SYT1: variants seen among roughly 807,000 people sequenced by gnomAD.
The protein encoded by SYT1 is synaptotagmin-1.
Under a neutral mutation model 44.8 loss-of-function variants are expected in SYT1, and 8 were observed. That is an observed-to-expected ratio of 0.18 (90% CI 0.10 to 0.32). The LOEUF (loss-of-function observed/expected upper bound fraction) is 0.32. SYT1 is among the 10% of genes least tolerant of loss of function. The pLI is 1.00. For synonymous variants in SYT1, 154 were observed against 188.8 expected, an observed-to-expected ratio of 0.82 and a Z score of 1.51; for missense variants, 286 against 509.3, an observed-to-expected ratio of 0.56 and a Z score of 4.22.
intron 9 of SYT1, among the ~76,000 whole-genome samples, chr12:79,388,158 A>T (rs1051439216): frequency 1.3e-5 from 2 of 152,220 alleles, no homozygotes; most frequent in South Asian, 2.1e-4. Context: ...ACTGCATTGT[A>T]CAAACATTTA....
intron 2 of SYT1, among the ~76,000 whole-genome samples, chr12:78,984,081 A>G (rs994434733): frequency 6.6e-6 from 1 of 151,966 alleles, no homozygotes; most frequent in Non-Finnish European, 1.5e-5. Context: ...GTGTGCCTTT[A>G]TCTAGGGCAA....
At chr12:79,290,503 A>T (rs558366155) in intron 5 of SYT1, among the ~76,000 whole-genome samples, 36 of 152,260 alleles carry the variant, frequency 2.4e-4, no homozygotes, top group African/African-American at 8.7e-4. Flanking sequence ...CGGTCTGATG[A>T]CTGATGCCTA....
At chr12:78,874,881 T>C (rs1309133627) in intron 1 of SYT1, among the ~76,000 whole-genome samples, 2 of 151,624 alleles carry the variant, frequency 1.3e-5, no homozygotes, top group African/African-American at 2.4e-5. Context: ...TTAATTCTAG[T>C]TATGTCCTTG....
intron 3 of SYT1, among the ~76,000 whole-genome samples, chr12:79,072,418 ATT>A (rs1400245394): frequency 6.6e-6 from 1 of 152,136 alleles, no homozygotes; most frequent in African/African-American, 2.4e-5. Context: ...AAAGTTTGAA[ATT>A]TTTGAAAATA....
In SYT1 at chr12:79,179,031, T is replaced by TAG. The variant is rs1258755089; in HGVS notation, c.-17-38471_-17-38470insGA. On this transcript the variant is annotated intron_variant, in intron 3 of 10. Transcript: ENST00000261205. ...AGATATATAGATATAGATATAGATA[T>TAG]ATAGATATAGATATAGATATATAGA... is the stretch of plus-strand genomic sequence containing the variant. Among the ~76,000 whole-genome samples, 7 of 13,374 alleles carry TAG rather than the reference T, an allele frequency of 5.2e-4. 1 individual carries two copies. Among genetic ancestry groups the TAG allele is most frequent in the Non-Finnish European group, 9.6e-4 (7 of 7,316 alleles). 8.8% of individuals were successfully genotyped at this position (13,374 alleles called of 152,430 possible).
Position 78,951,959 on chromosome 12 carries a change from G to C in SYT1, c.-216-25840G>C, listed in dbSNP as rs371710837. 1.1e-4 allele frequency among the ~76,000 whole-genome samples: 16 copies of C among 152,218 alleles called. 1 individual carries two copies. The highest frequency in any genetic ancestry group is 5.8e-4 in the East Asian group (3 of 5,174). ...GAAGGAGACTCCACTAATTAGCTTA[G>C]TCGGCATAGCATCTGGTAACTGGTT... On this transcript the variant is annotated intron_variant, in intron 1 of 10. Coordinates refer to ENST00000261205, the MANE Select transcript of SYT1 (RefSeq NM_005639.3).
At chr12:79,203,873 G>A (rs574586411) in intron 3 of SYT1, among the ~76,000 whole-genome samples, 12 of 152,276 alleles carry the variant, frequency 7.9e-5, no homozygotes, top group African/African-American at 2.6e-4. Context: ...AACCATCTGC[G>A]TACATGGCTG....
At chr12:79,007,748 A>G (rs1237174642) in intron 2 of SYT1, among the ~76,000 whole-genome samples, 1 of 152,142 alleles carries the variant, frequency 6.6e-6, no homozygotes, top group Non-Finnish European at 1.5e-5. Context: ...GGTGAATAGT[A>G]GATTTGAGAG....
chr12:79,419,041 G>T (rs1868931903), intron 9 of SYT1, among the ~76,000 whole-genome samples: 1 of 152,120 alleles, frequency 6.6e-6, no homozygotes, highest in African/African-American at 2.4e-5. Context: ...TTCCCCTATA[G>T]GTGCCTCAGA....
At chr12:79,370,299 C>A (rs1883726985) in intron 9 of SYT1, among the ~76,000 whole-genome samples, 1 of 152,106 alleles carries the variant, frequency 6.6e-6, no homozygotes, top group African/African-American at 2.4e-5. Flanking sequence ...CTGCAAAATA[C>A]AGAATTCAAA....
intron 4 of SYT1, among the ~76,000 whole-genome samples, chr12:79,255,630 T>G (rs1047076062): frequency 2.0e-5 from 3 of 152,234 alleles, no homozygotes; most frequent in African/African-American, 7.2e-5. Context: ...ACCAGAACAA[T>G]TCAGCACTCT....
At chr12:79,133,359 G>A (rs148575447) in intron 3 of SYT1, among the ~76,000 whole-genome samples, 326 of 152,166 alleles carry the variant, frequency 2.1e-3, no homozygotes, top group African/African-American at 7.6e-3. Flanking sequence ...ACTCCAGCCT[G>A]GGTGTCAGAG....
At chr12:79,026,702 T>TATAGATATATATATAAAA (rs34140383) in intron 2 of SYT1, among the ~76,000 whole-genome samples, 1 of 125,328 alleles carries the variant, frequency 8.0e-6, no homozygotes, top group Non-Finnish European at 1.7e-5. Context: ...TATATATATA[T>TATAGATATATATATAAAA]CACACTTTCA....
At chr12:79,185,419 A>G (rs1872747865) in intron 3 of SYT1, among the ~76,000 whole-genome samples, 1 of 151,996 alleles carries the variant, frequency 6.6e-6, no homozygotes, top group Non-Finnish European at 1.5e-5. Context: ...GAGATTTTAC[A>G]GAACAACTAT....
intron 7 of SYT1, among the ~76,000 whole-genome samples, chr12:79,296,838 T>C (rs1879896911): frequency 6.6e-6 from 1 of 152,212 alleles, no homozygotes; most frequent in African/African-American, 2.4e-5. Context: ...ATTCCAGCCA[T>C]ATAATATCTC....
intron 3 of SYT1, among the ~76,000 whole-genome samples, chr12:79,175,851 G>A (rs534295994): frequency 3.6e-4 from 55 of 152,086 alleles, no homozygotes; most frequent in African/African-American, 1.3e-3. Context: ...TCTAAGACCT[G>A]GGGGTTGGGG....
intron 3 of SYT1, among the ~76,000 whole-genome samples, chr12:79,064,994 A>AAGAAAGAAAGAG (rs1875727460): frequency 6.9e-6 from 1 of 145,418 alleles, no homozygotes; most frequent in African/African-American, 2.6e-5. Flanking sequence ...GAAAGAAAGA[A>AAGAAAGAAAGAG]AGAAAAGGAA....
At chr12:79,355,023 A>G (rs1883056634) in intron 9 of SYT1, among the ~76,000 whole-genome samples, 1 of 151,998 alleles carries the variant, frequency 6.6e-6, no homozygotes, top group African/African-American at 2.4e-5. Context: ...AGCAGATAGG[A>G]TTTGTCCTGG....
intron 2 of SYT1, chr12:79,046,324 C>T (rs1430314323): frequency 2.6e-5 from 4 of 152,170 alleles, no homozygotes; most frequent in Non-Finnish European, 5.9e-5. Context: ...AAATAGATGC[C>T]ATGAGAACTC....
Sources: allele counts gnomAD v4.1 joint callset (sites outside exome capture counted in the v4.1 genomes callset), GRCh38; gene constraint gnomAD v4.1.1; transcripts MANE v1.5; gene names NCBI Gene and HGNC (gene_info 2026-07-23, HGNC 2026-07-21).